Variants in GLP2R observed in about 807,000 individuals in gnomAD.
GLP2R encodes glucagon like peptide 2 receptor, also known as glucagon-like peptide 2 receptor.
Under a neutral mutation model 68.2 loss-of-function variants are expected in GLP2R, and 59 were observed. The observed-to-expected ratio is 0.87, with a 90% confidence interval of 0.70 to 1.07. The LOEUF (loss-of-function observed/expected upper bound fraction) is 1.07. Among genes scored for constraint, GLP2R ranks in the 50% least tolerant of loss-of-function variants. The pLI is 0.00. For synonymous variants in GLP2R, 270 were observed against 265.4 expected (o/e 1.02, Z -0.17); for missense variants, 548 against 677.4 (o/e 0.81, Z 2.12).
At chr17:9,880,195 G>A (rs1465653403) in intron 10 of GLP2R, among the ~76,000 whole-genome samples, 183 bp from the exon 11 acceptor site, 1 of 152,162 alleles carries the variant, frequency 6.6e-6, no homozygotes. Context: ...GTCAAGTGTA[G>A]GAACACAACA....
chr17:9,840,526 T>G (rs2066776719), intron 3 of GLP2R, among the ~76,000 whole-genome samples: 3 of 152,224 alleles, frequency 2.0e-5, no homozygotes, highest in African/African-American at 7.2e-5. Flanking sequence ...GATATATTAG[T>G]GACAAAAACC....
chr17:9,871,518 G>C (rs755991554), intron 10 of GLP2R, among the ~76,000 whole-genome samples: 6 of 152,180 alleles, frequency 3.9e-5, no homozygotes, highest in Non-Finnish European at 7.4e-5. Context: ...TCTAAGGAAA[G>C]ACATCCTTCC....
At chr17:9,876,397 G>A (rs1012506675) in intron 10 of GLP2R, among the ~76,000 whole-genome samples, 2 of 152,310 alleles carry the variant, frequency 1.3e-5, no homozygotes, top group Non-Finnish European at 1.5e-5. Context: ...CCAAAGAAAT[G>A]GTCAAACTTG....
Position 9,857,672 on chromosome 17 carries a change from G to A in GLP2R, c.765+96G>A, listed in dbSNP as rs368424884. On this transcript the variant is annotated intron_variant, in intron 6 of 12. Coordinates refer to ENST00000262441, the MANE Select transcript of GLP2R (RefSeq NM_004246.3). ...GCAGGTGGGACTAGGGAGGGGCAGC[G>A]GGAGATAAGAGGGTTTCCAAGACTT... 109 of 1,206,306 alleles carry A rather than the reference G, an allele frequency of 9.0e-5. 1 individual carries two copies. Among genetic ancestry groups the A allele is most frequent in the African/African-American group, 5.6e-4 (37 of 66,498 alleles). The allele number at this position is 1,206,306 out of a possible 1,614,324, so 74.7% of individuals were successfully genotyped here. A position where few individuals can be genotyped will look rare whatever the true frequency, so the allele number is the denominator to read the frequency against.
intron 1 of GLP2R, 66 bp downstream of exon 1, chr17:9,826,318 T>C: frequency 8.5e-7 from 1 of 1,175,530 alleles, no homozygotes; most frequent in Non-Finnish European, 1.2e-6. Flanking sequence ...AAAGAAGCAA[T>C]TTAGGCCTCA....
At chr17:9,841,021 T>TTG (rs1471628015) in intron 3 of GLP2R, among the ~76,000 whole-genome samples, 2 of 149,722 alleles carry the variant, frequency 1.3e-5, no homozygotes, top group Non-Finnish European at 3.0e-5. Context: ...GTGGCTAATT[T>TTG]TTTTTTTTTT....
intron 11 of GLP2R, among the ~76,000 whole-genome samples, chr17:9,886,290 C>T (rs554611814): frequency 1.2e-4 from 19 of 152,270 alleles, no homozygotes; most frequent in East Asian, 3.9e-4. Flanking sequence ...TGCCAAACAG[C>T]GGTGACATAT....
At position 9,826,142 on chromosome 17, in the gene GLP2R, G is replaced by A. The variant is rs1418289200; in HGVS notation, c.79G>A (p.Gly27Ser). 1.2e-6 allele frequency: 2 copies of A among 1,612,884 alleles called. No homozygotes were observed. Among genetic ancestry groups the A allele is most frequent in the South Asian group, 2.2e-5 (2 of 90,696 alleles). Residue 27 changes from glycine to serine, a missense_variant, in exon 1 of 13, where the codon GGC becomes AGC. Transcript: ENST00000262441. ...LLPGVHELPM[G>S]IPAPWGTSPL... is the part of the protein sequence containing the mutation. Reference sequence around the variant, plus strand: ...GCCTGGCGTCCACGAGCTGCCCATGGGCATCCCTGCCCCCTGGGGGACCAG... The same window carrying A: ...GCCTGGCGTCCACGAGCTGCCCATGAGCATCCCTGCCCCCTGGGGGACCAG...
At chr17:9,879,921 A>G (rs1451817841) in intron 10 of GLP2R, among the ~76,000 whole-genome samples, 2 of 152,158 alleles carry the variant, frequency 1.3e-5, no homozygotes, top group Admixed American at 1.3e-4. Context: ...ACCCTGGGCA[A>G]CTCATTTTCT....
chr17:9,888,737 G>A (rs373811789), intron 12 of GLP2R, among the ~76,000 whole-genome samples: 1 of 152,194 alleles, frequency 6.6e-6, no homozygotes, highest in South Asian at 2.1e-4. Context: ...AGAGTGCTGG[G>A]ATTACAGGCA....
intron 1 of GLP2R, among the ~76,000 whole-genome samples, chr17:9,827,536 CT>C (rs1458075978): frequency 6.6e-6 from 1 of 152,198 alleles, no homozygotes; most frequent in Non-Finnish European, 1.5e-5. Flanking sequence ...TGGTAGCTTG[CT>C]TTATTCTATC....
intron 6 of GLP2R, among the ~76,000 whole-genome samples, chr17:9,857,938 A>T (rs558126754): frequency 7.2e-5 from 11 of 152,360 alleles, no homozygotes; most frequent in African/African-American, 2.2e-4. Flanking sequence ...GATACCTGGG[A>T]ATAAAAAGGG....
At chr17:9,846,155 T>C (rs2066836554) in intron 4 of GLP2R, among the ~76,000 whole-genome samples, 1 of 152,194 alleles carries the variant, frequency 6.6e-6, no homozygotes, top group South Asian at 2.1e-4. Context: ...TCAAGTACGC[T>C]TTGATGTATT....
At chr17:9,859,804 A>G (rs1379100016) in intron 6 of GLP2R, 138 bp from the exon 7 acceptor site, 3 of 593,472 alleles carry the variant, frequency 5.1e-6, no homozygotes, top group South Asian at 6.5e-5. Context: ...CTGGCAACAG[A>G]GTGAGATTCT....
At chr17:9,857,082 C>T (rs1014184983) in intron 5 of GLP2R, among the ~76,000 whole-genome samples, 2 of 152,122 alleles carry the variant, frequency 1.3e-5, no homozygotes, top group African/African-American at 4.8e-5. Flanking sequence ...CCACCACACC[C>T]AGCTAACTTT....
At chr17:9,879,659 G>A (rs926055860) in intron 10 of GLP2R, among the ~76,000 whole-genome samples, 7 of 152,208 alleles carry the variant, frequency 4.6e-5, no homozygotes, top group African/African-American at 1.7e-4. Context: ...TTGGGTCCCA[G>A]CTGTGCACTT....
At chr17:9,865,411 GC>G (rs1375145078) in intron 9 of GLP2R, among the ~76,000 whole-genome samples, 13 of 152,004 alleles carry the variant, frequency 8.6e-5, no homozygotes, top group Admixed American at 7.9e-4. Flanking sequence ...TCTTGTTGCA[GC>G]CCAAGTGATC....
At chr17:9,846,099 A>C (rs1168114888) in intron 4 of GLP2R, among the ~76,000 whole-genome samples, 3 of 152,194 alleles carry the variant, frequency 2.0e-5, no homozygotes, top group Non-Finnish European at 1.5e-5. Context: ...ATTTTCCTAA[A>C]TATGTCAATA....
At chr17:9,842,651 G>A in intron 4 of GLP2R, 35 bp downstream of exon 4, 2 of 1,610,998 alleles carry the variant, frequency 1.2e-6, no homozygotes. Flanking sequence ...AGGCATCCAG[G>A]GTCCAAACCA....
Sources: gnomAD v4.1 joint callset for allele counts (sites outside exome capture counted in the v4.1 genomes callset) on GRCh38, gnomAD v4.1.1 for gene constraint, MANE v1.5 for transcripts, NCBI Gene and HGNC (gene_info 2026-07-23, HGNC 2026-07-21) for gene names.